The following GPHN variants were observed in gnomAD, a reference collection of about 807,000 sequenced individuals.
GPHN encodes the protein gephyrin.
In GPHN, 17 loss-of-function variants were observed where a neutral mutation model predicts 95.5. The observed-to-expected ratio is 0.18, with a 90% confidence interval of 0.12 to 0.27. The LOEUF (loss-of-function observed/expected upper bound fraction) is 0.27, where lower values mean the gene tolerates loss of function less well. Among genes scored for constraint, GPHN ranks in the 10% least tolerant of loss-of-function variants. The pLI is 1.00. For missense variants in GPHN, 660 were observed against 978.1 expected (o/e 0.67, Z 4.34); for synonymous variants, 320 against 322.5 (o/e 0.99, Z 0.08).
chr14:66,804,900 C>G (rs1232511514), intron 3 of GPHN, among the ~76,000 whole-genome samples: 3 of 152,120 alleles, frequency 2.0e-5, no homozygotes, highest in African/African-American at 7.2e-5. Flanking sequence ...CTGATTATTG[C>G]TAGGATTAAA....
intron 2 of GPHN, among the ~76,000 whole-genome samples, chr14:66,751,091 G>A (rs894643208): frequency 2.0e-5 from 3 of 151,658 alleles, no homozygotes; most frequent in Non-Finnish European, 4.4e-5. Context: ...TTACATTTTC[G>A]TCATGATCTT....
intron 11 of GPHN, among the ~76,000 whole-genome samples, chr14:67,059,640 A>G (rs1209588597): frequency 2.0e-5 from 3 of 152,206 alleles, no homozygotes; most frequent in Non-Finnish European, 2.9e-5. Context: ...TAAGGTCTCA[A>G]GATTTACATT....
At chr14:67,507,927 T>C in the GPHN span, among the ~76,000 whole-genome samples, 1 of 151,986 alleles carries the variant, frequency 6.6e-6, no homozygotes, top group Non-Finnish European at 1.5e-5. Flanking sequence ...TCACCTGAGG[T>C]TGGGAGTTCC....
chr14:67,102,637 G>A (rs913598641), intron 13 of GPHN, among the ~76,000 whole-genome samples: 25 of 151,896 alleles, frequency 1.6e-4, no homozygotes, highest in African/African-American at 6.0e-4. Flanking sequence ...TCCAGCCTGG[G>A]CAACAAGAGC....
At chr14:66,609,576 T>C (rs1254667923) in intron 1 of GPHN, among the ~76,000 whole-genome samples, 1 of 152,160 alleles carries the variant, frequency 6.6e-6, no homozygotes, top group Non-Finnish European at 1.5e-5. Context: ...CAATGAATCC[T>C]AGGTTTGGTC....
intron 5 of GPHN, among the ~76,000 whole-genome samples, chr14:66,900,218 GT>G (rs1482154931): frequency 6.6e-6 from 1 of 151,184 alleles, no homozygotes; most frequent in African/African-American, 2.4e-5. Context: ...GACTATCTCT[GT>G]TTTTCTGTTT....
At chr14:67,087,356 T>C (rs1479815995) in intron 11 of GPHN, among the ~76,000 whole-genome samples, 2 of 152,110 alleles carry the variant, frequency 1.3e-5, no homozygotes, top group African/African-American at 4.8e-5. Context: ...TCCCATGAGG[T>C]TTACTGTGAT....
At chr14:67,679,015 G>A in the GPHN span, among the ~76,000 whole-genome samples, 1 of 152,112 alleles carries the variant, frequency 6.6e-6, no homozygotes, top group African/African-American at 2.4e-5. Context: ...AACAGAATAC[G>A]ACAAACTGGG....
At chr14:67,575,726 C>G in the GPHN span, 1 of 912,858 alleles carries the variant, frequency 1.1e-6, no homozygotes, top group Non-Finnish European at 1.7e-6. Flanking sequence ...CGGTCCATAT[C>G]CACGATTCCC....
chr14:67,029,985 G>C (rs1180262925), intron 10 of GPHN, among the ~76,000 whole-genome samples: 2 of 127,182 alleles, frequency 1.6e-5, no homozygotes, highest in African/African-American at 3.8e-5. Context: ...TTCTTTGGTA[G>C]CTCTTTTTTT....
At chr14:66,723,681 AGTTT>A (rs1286080142) in intron 2 of GPHN, among the ~76,000 whole-genome samples, 2 of 152,152 alleles carry the variant, frequency 1.3e-5, no homozygotes, top group Non-Finnish European at 1.5e-5. Flanking sequence ...AGATAGCATA[AGTTT>A]GTTTGATGAG....
chr14:67,519,369 G>A, the GPHN span, among the ~76,000 whole-genome samples: 11 of 152,370 alleles, frequency 7.2e-5, no homozygotes, highest in South Asian at 1.4e-3. Flanking sequence ...CCAGTTTTGG[G>A]AATCCAGGTA....
At chr14:66,691,485 T>A (rs543269384) in intron 2 of GPHN, among the ~76,000 whole-genome samples, 2 of 152,210 alleles carry the variant, frequency 1.3e-5, no homozygotes, top group African/African-American at 4.8e-5. Context: ...ACCTGACCCA[T>A]GAACATTTTT....
At chr14:66,769,086 C>G (rs887291909) in intron 2 of GPHN, among the ~76,000 whole-genome samples, 1 of 151,766 alleles carries the variant, frequency 6.6e-6, no homozygotes, top group African/African-American at 2.4e-5. Flanking sequence ...GAATAAGGGA[C>G]GATTGTAATA....
chr14:67,080,763 G>A (rs568202153), intron 11 of GPHN, among the ~76,000 whole-genome samples: 54 of 152,006 alleles, frequency 3.6e-4, no homozygotes, highest in Non-Finnish European at 4.3e-4. Flanking sequence ...ACCTGCCTCC[G>A]ACCCTTTCCC....
intron 4 of GPHN, among the ~76,000 whole-genome samples, chr14:66,857,360 A>G (rs553528130): frequency 6.6e-6 from 1 of 152,320 alleles, no homozygotes; most frequent in African/African-American, 2.4e-5. Context: ...CAAGAAGGAT[A>G]AATAAAAGAA....
intron 9 of GPHN, among the ~76,000 whole-genome samples, chr14:66,979,343 T>A (rs1231776274): frequency 6.6e-6 from 1 of 152,264 alleles, no homozygotes; most frequent in Non-Finnish European, 1.5e-5. Context: ...TGTTGTTTAG[T>A]ATAGCTGCCT....
the GPHN span, chr14:67,729,825 G>C: frequency 2.1e-6 from 1 of 474,438 alleles, no homozygotes; most frequent in Non-Finnish European, 4.2e-6. Context: ...ACTATCTGTT[G>C]AAATATAGAA....
intron 1 of GPHN, among the ~76,000 whole-genome samples, chr14:66,537,549 T>C (rs1404485871): frequency 6.6e-6 from 1 of 152,188 alleles, no homozygotes; most frequent in Non-Finnish European, 1.5e-5. Context: ...ATTTTTTTCA[T>C]ATTTTATTTC....
Sources: allele counts gnomAD v4.1 joint callset (sites outside exome capture counted in the v4.1 genomes callset), GRCh38; gene constraint gnomAD v4.1.1; transcripts MANE v1.5; gene names NCBI Gene and HGNC (gene_info 2026-07-23, HGNC 2026-07-21).